ELP1: variants seen among roughly 807,000 people sequenced by gnomAD.
ELP1 encodes elongator acetyltransferase complex subunit 1.
ELP1 carries 131 observed loss-of-function variants against 183.2 expected under a neutral mutation model. That is an observed-to-expected ratio of 0.72 (90% CI 0.62 to 0.83). ELP1 has a LOEUF of 0.83. Among genes scored for constraint, ELP1 ranks in the 40% least tolerant of loss-of-function variants. The pLI, the probability that ELP1 is intolerant of heterozygous loss-of-function variation, is 0.00. For missense variants in ELP1, 1,550 were observed against 1,594.9 expected (o/e 0.97, Z 0.48); for synonymous variants, 555 against 569.0 (o/e 0.98, Z 0.35).
chr9:108,926,506 C>T lies in ELP1; in HGVS notation c.466+17G>A. 1 of 1,598,266 alleles carries T rather than the reference C, an allele frequency of 6.3e-7. No individual in the cohort carries two copies. The highest frequency in any genetic ancestry group is 8.6e-7 in the Non-Finnish European group (1 of 1,167,592). On this transcript the variant is annotated intron_variant, in intron 5 of 36. Coordinates refer to ENST00000374647, the MANE Select transcript of ELP1 (RefSeq NM_003640.5). ...AAGAAACGTAGGTCACAAAATATTG[C>T]ACAAAGCTATACTTACTTTCACCAA...
At chr9:108,930,362 T>C (rs1829959741) in intron 2 of ELP1, among the ~76,000 whole-genome samples, 2 of 152,142 alleles carry the variant, frequency 1.3e-5, no homozygotes, top group African/African-American at 4.8e-5. Flanking sequence ...AGATTCTGAT[T>C]TAGTTGACAT....
intron 3 of ELP1, among the ~76,000 whole-genome samples, chr9:108,927,857 CAG>C (rs1211087472): frequency 6.6e-6 from 1 of 152,010 alleles, no homozygotes. Context: ...CTCACGGACA[CAG>C]AGAGTACAAG....
intron 20 of ELP1, among the ~76,000 whole-genome samples, chr9:108,899,390 A>G (rs569675365): frequency 6.6e-6 from 1 of 152,188 alleles, no homozygotes; most frequent in Non-Finnish European, 1.5e-5. Flanking sequence ...AGTTTCCTCC[A>G]AATAGGTTCA....
At chr9:108,885,568 T>C (rs1420511185) in intron 29 of ELP1, among the ~76,000 whole-genome samples, 1 of 152,226 alleles carries the variant, frequency 6.6e-6, no homozygotes, top group Middle Eastern at 3.2e-3. Context: ...TACTGGTATA[T>C]TCTACTAAAC....
intron 15 of ELP1, among the ~76,000 whole-genome samples, chr9:108,903,148 T>A (rs1336360377): frequency 1.3e-5 from 2 of 152,168 alleles, no homozygotes; most frequent in Non-Finnish European, 2.9e-5. Flanking sequence ...TACATATGTA[T>A]ACATGTGCCA....
At chr9:108,898,122 T>C (rs1828626458) in intron 22 of ELP1, among the ~76,000 whole-genome samples, 2 of 152,202 alleles carry the variant, frequency 1.3e-5, no homozygotes. Flanking sequence ...GTGGGGTATA[T>C]ATAGGTTGCT....
chr9:108,901,261 ATAT>A (rs1425295937), intron 18 of ELP1, among the ~76,000 whole-genome samples, 161 bp downstream of exon 18: 1 of 152,222 alleles, frequency 6.6e-6, no homozygotes, highest in Non-Finnish European at 1.5e-5. Flanking sequence ...TTTAACTGAG[ATAT>A]TATGTTGAGA....
chr9:108,869,487 T>C (rs886493952), intron 36 of ELP1, among the ~76,000 whole-genome samples: 2 of 152,188 alleles, frequency 1.3e-5, no homozygotes, highest in Non-Finnish European at 2.9e-5. Context: ...CATGGCTGTA[T>C]ACATTTATTA....
intron 14 of ELP1, among the ~76,000 whole-genome samples, chr9:108,905,915 G>A (rs1355841123): frequency 6.6e-6 from 1 of 150,904 alleles, no homozygotes; most frequent in Non-Finnish European, 1.5e-5. Context: ...GCGCATGACT[G>A]CATTTATACA....
chr9:108,899,651 A>G (rs1403602656), intron 20 of ELP1, among the ~76,000 whole-genome samples, 171 bp downstream of exon 20: 1 of 150,320 alleles, frequency 6.7e-6, no homozygotes, highest in East Asian at 2.0e-4. Flanking sequence ...AAAATACTGC[A>G]TTAAAGTAAA....
At chr9:108,914,847 G>A (rs867809445) in intron 10 of ELP1, among the ~76,000 whole-genome samples, 1 of 152,106 alleles carries the variant, frequency 6.6e-6, no homozygotes, top group Non-Finnish European at 1.5e-5. Context: ...GGATGGTCTC[G>A]ATCTCCTGAC....
intron 10 of ELP1, among the ~76,000 whole-genome samples, chr9:108,913,551 C>T (rs1167066535): frequency 1.3e-5 from 2 of 152,070 alleles, no homozygotes; most frequent in Non-Finnish European, 2.9e-5. Flanking sequence ...AGTCTCAAAC[C>T]GCATTATTAC....
intron 13 of ELP1, among the ~76,000 whole-genome samples, chr9:108,907,297 A>AT (rs1829056955): frequency 6.6e-6 from 1 of 151,910 alleles, no homozygotes. Context: ...ATCCCCATCA[A>AT]TTTTTTTTAA....
rs755812183 is a variant in ELP1 at position 108,882,185 on chromosome 9, A to G, written c.3225T>C (p.Asp1075=). 1 of 1,612,850 alleles carries G rather than the reference A, an allele frequency of 6.2e-7. No individual in the cohort carries two copies. Among genetic ancestry groups the G allele is most frequent in the South Asian group, 1.1e-5 (1 of 91,072 alleles). Residue 1075 remains aspartate, a splice_region_variant and synonymous_variant, in exon 30 of 37, where the codon GAT becomes GAC. Coordinates refer to ENST00000374647, the MANE Select transcript of ELP1 (RefSeq NM_003640.5). ...ACAGCAAGAGCACAGCTTCTTCATA[A>G]TCCTGACAAGGGAACAGGAAGAAGA... The part of the protein sequence containing the change: ...AAMVLEECAQ[D]YEEAVLLLLE...
In ELP1 at chr9:108,882,764, A is replaced by T. The variant is rs182629123; in HGVS notation, c.3223-577T>A. Among the ~76,000 whole-genome samples, 746 of 151,854 alleles carry T rather than the reference A, an allele frequency of 4.9e-3. 9 individuals are homozygous for T. Among genetic ancestry groups the T allele is most frequent in the African/African-American group, 0.017 (706 of 41,416 alleles). The stretch of plus-strand genomic sequence containing the variant: ...AATATGCCACCACACCCAGCTAATT[A>T]AAAAAATGTTTTTAGACAGGGTCTC... On this transcript the variant is annotated intron_variant, in intron 29 of 36. Transcript: ENST00000374647.
chr9:108,897,336 G>T, intron 22 of ELP1, 51 bp from the exon 23 acceptor site: 1 of 1,600,814 alleles, frequency 6.2e-7, no homozygotes. Context: ...GTAGCCCAGC[G>T]ATCAAATTAC....
At chr9:108,910,674 TC>T (rs1829179668) in intron 12 of ELP1, among the ~76,000 whole-genome samples, 1 of 152,014 alleles carries the variant, frequency 6.6e-6, no homozygotes, top group Non-Finnish European at 1.5e-5. Context: ...AGGGATGAGA[TC>T]AACTGAAAAT....
chr9:108,888,646 G>A (rs1828213929), intron 29 of ELP1, among the ~76,000 whole-genome samples: 2 of 152,012 alleles, frequency 1.3e-5, no homozygotes, highest in African/African-American at 2.4e-5. Context: ...TAAAATTTTA[G>A]TTATCGTCTT....
chr9:108,882,268 G>A, intron 29 of ELP1, 81 bp from the exon 30 acceptor site: 1 of 1,196,306 alleles, frequency 8.4e-7, no homozygotes, highest in Non-Finnish European at 1.2e-6. Flanking sequence ...ACTAACCACA[G>A]ACCTGCCTCT....
Sources: allele counts gnomAD v4.1 joint callset (sites outside exome capture counted in the v4.1 genomes callset), GRCh38; gene constraint gnomAD v4.1.1; transcripts MANE v1.5; gene names NCBI Gene and HGNC (gene_info 2026-07-23, HGNC 2026-07-21).